Variants in F13A1 observed in about 807,000 individuals in gnomAD.
F13A1 encodes the protein coagulation factor XIII A chain, also known as FSF, A subunit.
A neutral mutation model predicts 80.1 loss-of-function variants in F13A1; 47 were observed. The observed-to-expected ratio is 0.59, with a 90% CI of 0.46 to 0.75. F13A1 has a LOEUF of 0.75. F13A1 is among the 30% of genes least tolerant of loss of function. The pLI is 0.00. For missense variants in F13A1, 817 were observed against 930.4 expected, an observed-to-expected ratio of 0.88 and a Z score of 1.59; for synonymous variants, 349 against 344.9, an observed-to-expected ratio of 1.01 and a Z score of -0.13.
rs371619552 is a variant in F13A1 at position 6,195,831 on chromosome 6, C to T, written c.1271G>A (p.Cys424Tyr). The T allele has an allele frequency of 5.9e-5, 96 of 1,614,078 alleles. No homozygotes were observed. The highest frequency in any genetic ancestry group is 8.1e-5 in the Non-Finnish European group (95 of 1,180,026). ...AACAAAAGGTGCATCAAATTGGAAGCAGACATGGCCGTGCTTGATGGCTTG... is the reference window on the plus strand; with the variant it reads ...AACAAAAGGTGCATCAAATTGGAAGTAGACATGGCCGTGCTTGATGGCTTG... ...SVQAIKHGHVCFQFDAPFVFA... is the reference protein window; with the variant it reads ...SVQAIKHGHVYFQFDAPFVFA... The change falls in exon 10 of 15, where the codon TGC becomes TAC. Residue 424 changes from cysteine (C) to tyrosine (Y), a missense_variant. Coordinates refer to ENST00000264870, the MANE Select transcript of F13A1 (RefSeq NM_000129.4).
In F13A1 at chr6:6,189,915, T is replaced by G. The variant is rs1237030532; in HGVS notation, c.1305+5882A>C. Among the ~76,000 whole-genome samples the G allele has an allele frequency of 5.3e-5, 8 of 152,156 alleles. No individual in the cohort carries two copies. In the South Asian group the frequency reaches 1.2e-3, roughly 24 times the overall value. On this transcript the variant is annotated intron_variant, in intron 10 of 14. Coordinates refer to ENST00000264870, the MANE Select transcript of F13A1 (RefSeq NM_000129.4). ...TAGTCCCATATTTCTTGGAGGCTTT[T>G]CTGGTTTCTTTTTATTCTTTTTTCT...
intron 9 of F13A1, 61 bp from the exon 10 acceptor site, chr6:6,195,946 C>A: frequency 1.4e-6 from 2 of 1,458,782 alleles, no homozygotes; most frequent in Non-Finnish European, 9.6e-7. Context: ...CCAGATACTG[C>A]AAGATTCATG....
At chr6:6,262,373 G>A (rs1232214766) in intron 4 of F13A1, among the ~76,000 whole-genome samples, 2 of 152,270 alleles carry the variant, frequency 1.3e-5, no homozygotes, top group Admixed American at 1.3e-4. Flanking sequence ...GGCTGCTTTT[G>A]TTGTTGTTGC....
intron 3 of F13A1, among the ~76,000 whole-genome samples, chr6:6,301,603 C>T (rs778964959): frequency 2.0e-4 from 30 of 152,122 alleles, no homozygotes; most frequent in Non-Finnish European, 3.5e-4. Context: ...ATGCTTTTCC[C>T]CCTCTTTTAT....
At chr6:6,202,312 G>C (rs1193886112) in intron 8 of F13A1, among the ~76,000 whole-genome samples, 1 of 152,112 alleles carries the variant, frequency 6.6e-6, no homozygotes, top group African/African-American at 2.4e-5. Flanking sequence ...ATCCATAAGA[G>C]TTTTTCTGTT....
Position 6,145,522 on chromosome 6 carries a change from CACCTA to C in F13A1, c.*92_*96del. 1 of 1,530,606 alleles carries C rather than the reference CACCTA, an allele frequency of 6.5e-7. No homozygotes were observed. The highest frequency in any genetic ancestry group is 1.1e-5 in the South Asian group (1 of 88,392). 94.8% of individuals were successfully genotyped at this position (1,530,606 alleles called of 1,614,324 possible). A position where few individuals can be genotyped will look rare whatever the true frequency, so the allele number is the denominator to read the frequency against. ...CTCTGCAGTCCTGTCTGGGTCTTCACACCTAAGTCAAAGCAAGAGCTATTTTTGCG... is the reference window on the plus strand; with the variant it reads ...CTCTGCAGTCCTGTCTGGGTCTTCACAGTCAAAGCAAGAGCTATTTTTGCG... On this transcript the variant is annotated 3_prime_UTR_variant, in exon 15 of 15. Transcript: ENST00000264870.
At chr6:6,206,942 G>A (rs1761499638) in intron 8 of F13A1, among the ~76,000 whole-genome samples, 1 of 151,384 alleles carries the variant, frequency 6.6e-6, no homozygotes, top group Non-Finnish European at 1.5e-5. Context: ...GTGGGCTCTG[G>A]GAAACACCTC....
intron 6 of F13A1, among the ~76,000 whole-genome samples, chr6:6,239,068 G>A (rs1198488516): frequency 1.3e-5 from 2 of 152,136 alleles, no homozygotes; most frequent in African/African-American, 2.4e-5. Flanking sequence ...TATAGTAACT[G>A]TATTCATAAT....
At chr6:6,236,488 T>C (rs550100692) in intron 6 of F13A1, among the ~76,000 whole-genome samples, 213 of 152,278 alleles carry the variant, frequency 1.4e-3, no homozygotes, top group Middle Eastern at 3.4e-3. Context: ...AGATTCTAAC[T>C]TGATACTGAA....
At chr6:6,294,974 T>A (rs913983294) in intron 3 of F13A1, among the ~76,000 whole-genome samples, 1 of 145,116 alleles carries the variant, frequency 6.9e-6, no homozygotes, top group Non-Finnish European at 1.5e-5. Flanking sequence ...AATTCCCACC[T>A]GTGAGTGAGA....
At chr6:6,223,388 C>T (rs537451324) in intron 7 of F13A1, among the ~76,000 whole-genome samples, 1 of 152,210 alleles carries the variant, frequency 6.6e-6, no homozygotes, top group East Asian at 1.9e-4. Flanking sequence ...AACTTGGGTC[C>T]TTTCTGTCTT....
intron 3 of F13A1, among the ~76,000 whole-genome samples, chr6:6,278,288 A>G (rs1290732489): frequency 6.6e-6 from 1 of 152,208 alleles, no homozygotes; most frequent in Non-Finnish European, 1.5e-5. Context: ...AGTGCTATGA[A>G]AAAATGACTA....
chr6:6,270,916 C>T (rs867809702), intron 3 of F13A1, among the ~76,000 whole-genome samples: 1 of 152,086 alleles, frequency 6.6e-6, no homozygotes, highest in Admixed American at 6.5e-5. Flanking sequence ...GTGGAGAGAA[C>T]CTGCATGAGG....
In F13A1 at chr6:6,305,101, T is replaced by G. The variant is rs976673756; in HGVS notation, c.319+250A>C. 51 of 541,736 alleles carry G rather than the reference T, an allele frequency of 9.4e-5. No homozygotes were observed. The East Asian group carries it at 1.6e-3, about 17-fold the overall frequency. The allele number at this position is 541,736 out of a possible 1,614,324, so 33.6% of individuals were successfully genotyped here. On this transcript the variant is annotated intron_variant, in intron 3 of 14. Coordinates refer to ENST00000264870, the MANE Select transcript of F13A1 (RefSeq NM_000129.4). ...ATTTGTTTGAGGAAGAATAATTTAG[T>G]TAAGCAACACATTATACCAGTTTTA...
chr6:6,145,764 C>A lies in F13A1; in HGVS notation c.2054G>T (p.Arg685Leu), dbSNP rs184352526. The part of the protein sequence containing the change: ...RPMKKMFREI[R>L]PNSTVQWEEV... ...TTCCCACTGCACGGTGGAGTTGGGC[C>A]GGATTTCACTGAAAGGATGGAAAAG... The change falls in exon 15 of 15, where the codon CGG (arginine) becomes CTG (leucine). Residue 685 changes from arginine to leucine, a missense_variant. Transcript: ENST00000264870. 6.2e-7 allele frequency: 1 copy of A among 1,613,978 alleles called. No individual in the cohort carries two copies. The highest frequency in any genetic ancestry group is 1.7e-5 in the Admixed American group (1 of 60,006).
rs552411697 is a variant in F13A1 at position 6,162,539 on chromosome 6, C to T, written c.1908+4919G>A. ...GCTTTTTGTGATAGTTCCATTGTAGCCCAGCGGCTGCCAGCACAGGCTTCC... is the reference window on the plus strand; with the variant it reads ...GCTTTTTGTGATAGTTCCATTGTAGTCCAGCGGCTGCCAGCACAGGCTTCC... On this transcript the variant is annotated intron_variant, in intron 13 of 14. Transcript: ENST00000264870. This position sits in a 1 kb window ranked among gnomAD's most constrained non-coding sequence, Gnocchi z 4.2. Among the ~76,000 whole-genome samples, 1 of 152,332 alleles carries T rather than the reference C, an allele frequency of 6.6e-6. No homozygotes were observed. Among genetic ancestry groups the T allele is most frequent in the South Asian group, 2.1e-4 (1 of 4,822 alleles).
chr6:6,244,614 C>T (rs1312374333), intron 6 of F13A1, among the ~76,000 whole-genome samples: 1 of 152,062 alleles, frequency 6.6e-6, no homozygotes, highest in African/African-American at 2.4e-5. Context: ...AATATAAGAA[C>T]AAGGGAAGTT....
intron 6 of F13A1, among the ~76,000 whole-genome samples, chr6:6,246,479 C>G (rs1757556578): frequency 6.6e-6 from 1 of 152,152 alleles, no homozygotes; most frequent in African/African-American, 2.4e-5. Flanking sequence ...AGGACCTCTA[C>G]CCCTTAACAC....
chr6:6,245,011 A>G (rs1296971860), intron 6 of F13A1, among the ~76,000 whole-genome samples: 1 of 152,102 alleles, frequency 6.6e-6, no homozygotes, highest in Non-Finnish European at 1.5e-5. Flanking sequence ...CATCCTCACT[A>G]AGGGTGATTT....
Sources: gnomAD v4.1 joint callset for allele counts (sites outside exome capture counted in the v4.1 genomes callset) on GRCh38, gnomAD v4.1.1 for gene constraint, Gnocchi (gnomAD v3.1) non-coding constraint, MANE v1.5 for transcripts, NCBI Gene and HGNC (gene_info 2026-07-23, HGNC 2026-07-21) for gene names.